L3MBTL4: variants seen among roughly 807,000 people sequenced by gnomAD.
L3MBTL4 encodes L3MBTL histone methyl-lysine binding protein 4, also known as lethal(3)malignant brain tumor-like protein 4.
Under a neutral mutation model 84.5 loss-of-function variants are expected in L3MBTL4, and 70 were observed. The ratio of observed to expected loss-of-function variants is 0.83; its 90% CI spans 0.68 to 1.01. The LOEUF (loss-of-function observed/expected upper bound fraction) is 1.01, where lower values mean the gene tolerates loss of function less well. L3MBTL4 is among the 50% of genes least tolerant of loss of function. L3MBTL4 has a pLI of 0.00. For missense variants in L3MBTL4, 715 were observed against 754.8 expected (o/e 0.95, Z 0.62); for synonymous variants, 274 against 259.8 (o/e 1.05, Z -0.52).
intron 1 of L3MBTL4, among the ~76,000 whole-genome samples, chr18:6,412,754 T>G (rs930672817): frequency 1.3e-5 from 2 of 152,080 alleles, no homozygotes; most frequent in Admixed American, 6.6e-5. Context: ...CAAAGGAGGC[T>G]TATTACCACC....
chr18:6,046,605 C>A, intron 16 of L3MBTL4: 1 of 583,224 alleles, frequency 1.7e-6, no homozygotes, highest in South Asian at 2.4e-5. Context: ...CAAGATCTCC[C>A]AAAACCACAC....
At chr18:6,084,903 G>C (rs2058208930) in intron 15 of L3MBTL4, among the ~76,000 whole-genome samples, 1 of 152,198 alleles carries the variant, frequency 6.6e-6, no homozygotes, top group Non-Finnish European at 1.5e-5. Flanking sequence ...GCGAGTGTGG[G>C]TGAGGAGAAT....
At chr18:6,013,874 T>C (rs1194168629) in intron 16 of L3MBTL4, among the ~76,000 whole-genome samples, 2 of 152,346 alleles carry the variant, frequency 1.3e-5, no homozygotes, top group East Asian at 1.9e-4. Context: ...TCTTGTGATA[T>C]GCTTTCTCAA....
chr18:6,051,824 G>A (rs891888900), intron 16 of L3MBTL4, among the ~76,000 whole-genome samples: 2 of 151,668 alleles, frequency 1.3e-5, no homozygotes, highest in African/African-American at 4.9e-5. Context: ...CTATTTTTCA[G>A]CATGGCGTTC....
At chr18:6,280,228 G>A (rs1216276747) in intron 4 of L3MBTL4, among the ~76,000 whole-genome samples, 2 of 152,134 alleles carry the variant, frequency 1.3e-5, no homozygotes, top group Non-Finnish European at 2.9e-5. Context: ...CTGTTTAAAA[G>A]AAAAATCTAA....
At chr18:5,975,407 T>A (rs952622812) in intron 16 of L3MBTL4, among the ~76,000 whole-genome samples, 2 of 152,174 alleles carry the variant, frequency 1.3e-5, no homozygotes, top group Non-Finnish European at 2.9e-5. Flanking sequence ...CACTGTGTAA[T>A]CTGTGACAGT....
intron 16 of L3MBTL4, among the ~76,000 whole-genome samples, chr18:6,020,998 A>G (rs2145496213): frequency 6.6e-6 from 1 of 152,312 alleles, no homozygotes; most frequent in Middle Eastern, 3.4e-3. Context: ...GAGAAAGAGG[A>G]GGCAGCAAAG....
At chr18:6,395,441 G>A (rs2055230944) in intron 1 of L3MBTL4, 1 of 152,002 alleles carries the variant, frequency 6.6e-6, no homozygotes, top group African/African-American at 2.4e-5. Context: ...CCCTTTTACT[G>A]ACATATAAAG....
At chr18:6,215,691 G>T in intron 11 of L3MBTL4, 59 bp downstream of exon 11, 1 of 867,876 alleles carries the variant, frequency 1.2e-6, no homozygotes. Context: ...GCCAAATGTA[G>T]GCATGACTCA....
intron 1 of L3MBTL4, among the ~76,000 whole-genome samples, chr18:6,359,634 A>G (rs1049681472): frequency 2.0e-5 from 3 of 152,076 alleles, no homozygotes; most frequent in African/African-American, 7.2e-5. Flanking sequence ...TGTTCTAGGG[A>G]TTTCTAGGGA....
At chr18:6,110,196 T>C (rs1323261991) in intron 14 of L3MBTL4, among the ~76,000 whole-genome samples, 1 of 152,216 alleles carries the variant, frequency 6.6e-6, no homozygotes, top group African/African-American at 2.4e-5. Context: ...CTATTGAGTT[T>C]CAAAATTTAA....
At chr18:6,210,818 T>C (rs902611894) in intron 12 of L3MBTL4, among the ~76,000 whole-genome samples, 6 of 152,208 alleles carry the variant, frequency 3.9e-5, no homozygotes, top group African/African-American at 1.4e-4. Context: ...GAGTGTAGGC[T>C]TGTTCTTTGT....
At chr18:6,165,462 G>A (rs758828032) in intron 13 of L3MBTL4, among the ~76,000 whole-genome samples, 18 of 152,270 alleles carry the variant, frequency 1.2e-4, no homozygotes, top group Admixed American at 2.0e-4. Flanking sequence ...AGGGAAGCCC[G>A]TCAGACTAAC....
At chr18:6,128,035 G>GGGGA (rs2059755203) in intron 14 of L3MBTL4, among the ~76,000 whole-genome samples, 1 of 142,432 alleles carries the variant, frequency 7.0e-6, no homozygotes, top group African/African-American at 2.7e-5. Flanking sequence ...ATATTGGGTG[G>GGGGA]GGCGGGGGAA....
intron 4 of L3MBTL4, among the ~76,000 whole-genome samples, chr18:6,279,107 T>C (rs1323441142): frequency 6.6e-6 from 1 of 152,016 alleles, no homozygotes; most frequent in Non-Finnish European, 1.5e-5. Context: ...TGCAGCTAAG[T>C]AGCATAACCA....
intron 14 of L3MBTL4, among the ~76,000 whole-genome samples, chr18:6,125,514 A>G (rs9959417): frequency 0.016 from 2,396 of 152,188 alleles, 69 homozygotes; most frequent in African/African-American, 0.055. Flanking sequence ...CTGCAGCGTC[A>G]ACCTCCTGGG....
intron 16 of L3MBTL4, among the ~76,000 whole-genome samples, chr18:5,983,379 T>A (rs570831891): frequency 6.6e-6 from 1 of 152,296 alleles, no homozygotes; most frequent in East Asian, 1.9e-4. Context: ...GATAACCGAA[T>A]CACTGCTAGT....
intron 1 of L3MBTL4, among the ~76,000 whole-genome samples, chr18:6,329,816 C>T (rs945360661): frequency 6.6e-6 from 1 of 152,170 alleles, no homozygotes; most frequent in Non-Finnish European, 1.5e-5. Context: ...CCATTCAAGG[C>T]TCTTGCCTTT....
chr18:6,118,066 T>A (rs1445531031), intron 14 of L3MBTL4, among the ~76,000 whole-genome samples: 1 of 152,084 alleles, frequency 6.6e-6, no homozygotes, highest in Non-Finnish European at 1.5e-5. Context: ...AACCAAGTTG[T>A]AGAGGCTCCT....
Sources: gnomAD v4.1 joint callset for allele counts (sites outside exome capture counted in the v4.1 genomes callset) on GRCh38, gnomAD v4.1.1 for gene constraint, MANE v1.5 for transcripts, NCBI Gene and HGNC (gene_info 2026-07-23, HGNC 2026-07-21) for gene names.